PANX1: variants seen among roughly 807,000 people sequenced by gnomAD.
The protein encoded by PANX1 is pannexin-1.
A neutral mutation model predicts 38.7 loss-of-function variants in PANX1; 30 were observed. That is an observed-to-expected ratio of 0.78 (90% CI 0.58 to 1.05). The LOEUF (loss-of-function observed/expected upper bound fraction) is 1.05. Ranked by LOEUF, PANX1 falls within the 50% of genes least tolerant of loss-of-function variation. The probability of loss-of-function intolerance (pLI) is 0.00; values close to 1 mark genes in which losing one functional copy is unlikely to be tolerated. For missense variants in PANX1, 551 were observed against 517.2 expected (o/e 1.07, Z -0.63); for synonymous variants, 230 against 212.2 (o/e 1.08, Z -0.73).
At position 94,167,394 on chromosome 11, in the gene PANX1, A is replaced by G. The variant is rs187859555; in HGVS notation, c.322-10975A>G. 2.3e-3 allele frequency among the ~76,000 whole-genome samples: 346 copies of G among 152,184 alleles called. 2 individuals are homozygous for G. The highest frequency in any genetic ancestry group is 7.8e-3 in the African/African-American group (325 of 41,524). On this transcript the variant is annotated intron_variant, in intron 2 of 4. Coordinates refer to ENST00000227638, the MANE Select transcript of PANX1 (RefSeq NM_015368.4). ...TACTTTATATCTTTTTATATTGTCT[A>G]TCTCCTAATGGGGGTCAATCATTGG... is the stretch of plus-strand genomic sequence containing the variant.
In PANX1 at chr11:94,177,529, G is replaced by A. The variant is rs1181989511; in HGVS notation, c.322-840G>A. ...AGAGTAGACATGATTGCCCAAGGCC[G>A]CAATGCTGAGCTTCAATTCAGATCT... is the stretch of plus-strand genomic sequence containing the variant. On this transcript the variant is annotated intron_variant, in intron 2 of 4. Transcript: ENST00000227638. Among the ~76,000 whole-genome samples, 5 of 152,172 alleles carry A rather than the reference G, an allele frequency of 3.3e-5. No homozygotes were observed. The East Asian group carries it at 5.8e-4, about 18-fold the overall frequency.
chr11:94,159,577 C>T (rs962790404), intron 2 of PANX1, among the ~76,000 whole-genome samples: 11 of 152,028 alleles, frequency 7.2e-5, no homozygotes, highest in Non-Finnish European at 1.2e-4. Flanking sequence ...GTGGTGATAT[C>T]CCCTTTATCA....
At chr11:94,141,551 T>G (rs1946761888) in intron 1 of PANX1, among the ~76,000 whole-genome samples, 1 of 152,200 alleles carries the variant, frequency 6.6e-6, no homozygotes, top group East Asian at 1.9e-4. Flanking sequence ...TACCCCTTCC[T>G]TCTGAAATCC....
intron 1 of PANX1, among the ~76,000 whole-genome samples, chr11:94,130,075 C>T (rs576986948): frequency 6.6e-6 from 1 of 152,350 alleles, no homozygotes; most frequent in East Asian, 1.9e-4. Flanking sequence ...AAGTCCCCTT[C>T]CTGTAAATTA....
At chr11:94,169,254 A>G (rs1011983281) in intron 2 of PANX1, among the ~76,000 whole-genome samples, 2 of 151,630 alleles carry the variant, frequency 1.3e-5, no homozygotes, top group Admixed American at 1.3e-4. Flanking sequence ...GGGTAGGACC[A>G]GTCAACAGAG....
intron 1 of PANX1, among the ~76,000 whole-genome samples, chr11:94,152,840 C>G (rs538095981): frequency 6.6e-6 from 1 of 152,302 alleles, no homozygotes; most frequent in Middle Eastern, 3.4e-3. Context: ...TAGAGCCCCA[C>G]CAGGACCCAG....
At chr11:94,131,410 G>A (rs185522335) in intron 1 of PANX1, among the ~76,000 whole-genome samples, 1 of 152,348 alleles carries the variant, frequency 6.6e-6, no homozygotes, top group East Asian at 1.9e-4. Context: ...GTGTGCTGAG[G>A]GAGATGGGAA....
At chr11:94,148,309 G>A (rs191585365) in intron 1 of PANX1, among the ~76,000 whole-genome samples, 1 of 152,346 alleles carries the variant, frequency 6.6e-6, no homozygotes, top group East Asian at 1.9e-4. Flanking sequence ...TTTAGTAAGA[G>A]AAGTTATTCT....
At position 94,178,553 on chromosome 11, in the gene PANX1, C is replaced by G; in HGVS notation, c.506C>G (p.Ala169Gly). 1 of 1,614,022 alleles carries G rather than the reference C, an allele frequency of 6.2e-7. No homozygotes were observed. Among genetic ancestry groups the G allele is most frequent in the Non-Finnish European group, 8.5e-7 (1 of 1,179,944 alleles). Residue 169 changes from alanine (A) to glycine (G), a missense_variant, in exon 3 of 5, where the codon GCC becomes GGC. Physicochemically the swap from Ala to Gly is moderately conservative, Grantham distance 60. Coordinates refer to ENST00000227638, the MANE Select transcript of PANX1 (RefSeq NM_015368.4). ...CGTGACCTTGACATGAGAGATGGAG[C>G]CTGCTCAGTTCCAGGTGTTACCGAG... ...SARDLDMRDG[A>G]CSVPGVTENL... is the part of the protein sequence containing the mutation.
chr11:94,157,069 A>C (rs992014193), intron 2 of PANX1, among the ~76,000 whole-genome samples: 7 of 151,820 alleles, frequency 4.6e-5, no homozygotes, highest in Non-Finnish European at 7.4e-5. Flanking sequence ...ATCCTTTTTT[A>C]TGGCTGCATA....
At chr11:94,133,599 C>G (rs532113898) in intron 1 of PANX1, among the ~76,000 whole-genome samples, 2 of 152,288 alleles carry the variant, frequency 1.3e-5, no homozygotes, top group Middle Eastern at 3.4e-3. Context: ...GTGCACCTGT[C>G]TGGTTAGGCC....
Position 94,129,164 on chromosome 11 carries a change from A to T in PANX1, c.-149A>T, listed in dbSNP as rs1019815732. ...AGCGGAGTCGCTGGGAGCCTGAGGC[A>T]CCGAGACACAAAGGCAGGCGGGATG... On this transcript the variant is annotated 5_prime_UTR_variant, in exon 1 of 5. Transcript: ENST00000227638. 5.1e-6 allele frequency: 3 copies of T among 582,586 alleles called. No homozygotes were observed. The African/African-American group carries it at 5.9e-5, about 11-fold the overall frequency. 36.1% of individuals were successfully genotyped at this position (582,586 alleles called of 1,614,324 possible). A position where few individuals can be genotyped will look rare whatever the true frequency, so the allele number is the denominator to read the frequency against.
At chr11:94,163,528 A>G (rs914951813) in intron 2 of PANX1, among the ~76,000 whole-genome samples, 1 of 152,192 alleles carries the variant, frequency 6.6e-6, no homozygotes, top group African/African-American at 2.4e-5. Flanking sequence ...TATCAAATTT[A>G]TTGATTTGCA....
In PANX1 at chr11:94,180,870, T is replaced by C. The variant is rs754481669; in HGVS notation, c.*1T>C. 11 of 1,568,310 alleles carry C rather than the reference T, an allele frequency of 7.0e-6. No homozygotes were observed. In the South Asian group the frequency reaches 1.0e-4, roughly 14 times the overall value. On this transcript the variant is annotated 3_prime_UTR_variant, in exon 5 of 5. Coordinates refer to ENST00000227638, the MANE Select transcript of PANX1 (RefSeq NM_015368.4). ...GAGACTTCTGGATTCTTCTTGCTGA[T>C]GATTTTTTTCCTTGAGCTGTAAATC...
At chr11:94,170,134 C>T (rs143003831) in intron 2 of PANX1, among the ~76,000 whole-genome samples, 13 of 151,698 alleles carry the variant, frequency 8.6e-5, no homozygotes, top group East Asian at 3.9e-4. Context: ...TACATTGTTG[C>T]GAAACCATCG....
At chr11:94,152,275 TTG>T (rs1327960149) in intron 1 of PANX1, among the ~76,000 whole-genome samples, 2 of 152,232 alleles carry the variant, frequency 1.3e-5, no homozygotes, top group African/African-American at 4.8e-5. Flanking sequence ...TTTTTGTTTT[TTG>T]TGTGTTTTTT....
intron 1 of PANX1, among the ~76,000 whole-genome samples, chr11:94,129,973 C>T (rs1946607890): frequency 6.6e-6 from 1 of 152,190 alleles, no homozygotes; most frequent in African/African-American, 2.4e-5. Flanking sequence ...GAGATCTTAG[C>T]TCTCTAGGGT....
rs1946591880 is a variant in PANX1, at chr11:94,129,131, G to A, written c.-182G>A. On this transcript the variant is annotated 5_prime_UTR_variant, in exon 1 of 5. Coordinates refer to ENST00000227638, the MANE Select transcript of PANX1 (RefSeq NM_015368.4). ...CGCCGGCGGCGGAGGCAGCGAGCGC[G>A]AGAGCCCAGCGGAGTCGCTGGGAGC... The A allele has an allele frequency of 3.2e-5, 15 of 466,082 alleles. 1 individual carries two copies. The South Asian group carries it at 6.2e-4, about 19-fold the overall frequency. 28.9% of individuals were successfully genotyped at this position (466,082 alleles called of 1,614,324 possible). A position where few individuals can be genotyped will look rare whatever the true frequency, so the allele number is the denominator to read the frequency against.
chr11:94,130,386 C>T (rs980427647), intron 1 of PANX1, among the ~76,000 whole-genome samples: 9 of 152,094 alleles, frequency 5.9e-5, no homozygotes, highest in Admixed American at 3.3e-4. Context: ...TTATATGTTC[C>T]TGGAAAGAGA....
Sources: allele counts gnomAD v4.1 joint callset (sites outside exome capture counted in the v4.1 genomes callset), GRCh38; gene constraint gnomAD v4.1.1; transcripts MANE v1.5; gene names NCBI Gene and HGNC (gene_info 2026-07-23, HGNC 2026-07-21).